The following PLEKHG5 variants were observed in gnomAD, a reference collection of about 807,000 sequenced individuals.
The protein encoded by PLEKHG5 is pleckstrin homology domain-containing family G member 5.
In PLEKHG5, 52 loss-of-function variants were observed where a neutral mutation model predicts 103.8. That is an observed-to-expected ratio of 0.50 (90% confidence interval 0.40 to 0.63). PLEKHG5 has a LOEUF of 0.63. PLEKHG5 is among the 30% of genes least tolerant of loss of function. The probability of loss-of-function intolerance (pLI) is 0.00; values close to 1 mark genes in which losing one functional copy is unlikely to be tolerated. For synonymous variants in PLEKHG5, 592 were observed against 575.5 expected (o/e 1.03, Z -0.41); for missense variants, 1,205 against 1,347.6 (o/e 0.89, Z 1.66).
chr1:6,496,274 T>C (rs889772755), upstream of PLEKHG5, among the ~76,000 whole-genome samples: 5 of 152,180 alleles, frequency 3.3e-5, no homozygotes, highest in Admixed American at 6.5e-5. Flanking sequence ...TCCACCCCCC[T>C]GTTCTTGTAG....
At chr1:6,498,933 T>G (rs1645265572), upstream of PLEKHG5, among the ~76,000 whole-genome samples, 1 of 152,194 alleles carries the variant, frequency 6.6e-6, no homozygotes, top group Non-Finnish European at 1.5e-5. Context: ...GGAAGCTGAC[T>G]TGAGGGTGGA....
At chr1:6,497,427 G>A, upstream of PLEKHG5, 1 of 895,182 alleles carries the variant, frequency 1.1e-6, no homozygotes, top group Non-Finnish European at 1.3e-6. This position sits in a 1 kb window ranked among gnomAD's most constrained non-coding sequence, Gnocchi z 6.1. Context: ...CCTCGCACGG[G>A]AGGCGGGCGG....
In PLEKHG5 at chr1:6,471,086, G is replaced by C. The variant is rs752976120; in HGVS notation, c.1296C>G (p.Phe432Leu). The change falls in exon 13 of 21, where the codon TTC becomes TTG. Residue 432 changes from phenylalanine to leucine, a missense_variant. Physicochemically the swap from Phe to Leu is conservative, Grantham distance 22. Transcript: ENST00000377728. ...LKGFKMFGSLFKPYIRYCMEE... is the reference protein window; with the variant it reads ...LKGFKMFGSLLKPYIRYCMEE... ...CCATGCAGTAGCGGATGTAGGGCTT[G>C]AAGAGCGAGCCGAACTGGCCCGGGG... 2 of 1,587,534 alleles carry C rather than the reference G, an allele frequency of 1.3e-6. No individual in the cohort carries two copies. The highest frequency in any genetic ancestry group is 1.8e-5 in the Admixed American group (1 of 56,926).
exon 1 of PLEKHG5, chr1:6,519,888 C>T (rs1570020009): frequency 2.9e-6 from 1 of 341,914 alleles, no homozygotes; most frequent in East Asian, 7.2e-5. Flanking sequence ...TGCTGGCTGC[C>T]CTGGAGGTGC....
chr1:6,500,132 G>C (rs139305221), upstream of PLEKHG5, among the ~76,000 whole-genome samples: 363 of 152,282 alleles, frequency 2.4e-3, 1 homozygote, highest in African/African-American at 8.4e-3. Context: ...GCTCTCCTGA[G>C]ACTATGAATT....
intron 1 of PLEKHG5, among the ~76,000 whole-genome samples, chr1:6,509,605 G>C (rs1170897766): frequency 6.6e-6 from 1 of 152,184 alleles, no homozygotes; most frequent in Non-Finnish European, 1.5e-5. Context: ...CAGGCTGGGG[G>C]CTCCACGGGC....
rs1310545508 is a variant in PLEKHG5, at chr1:6,473,254, G to T, written c.792C>A (p.Gly264=). ...FSSGPSTSAF[G]REVDKMEQLE... ...CTGGGCAGATGGGGCCACATACCCG[G>T]CCAAAGGCGCTGGTGCTGGGGCCGG... is the stretch of plus-strand genomic sequence containing the variant. Residue 264 remains glycine (G), a synonymous_variant, in exon 8 of 21, where the codon GGC becomes GGA. Coordinates refer to ENST00000377728, the MANE Select transcript of PLEKHG5 (RefSeq NM_020631.6). The T allele has an allele frequency of 1.2e-6, 2 of 1,610,674 alleles. No homozygotes were observed. Among genetic ancestry groups the T allele is most frequent in the Admixed American group, 3.4e-5 (2 of 59,566 alleles).
At chr1:6,478,936 G>A (rs1441839232) in intron 1 of PLEKHG5, among the ~76,000 whole-genome samples, 2 of 152,122 alleles carry the variant, frequency 1.3e-5, no homozygotes, top group Non-Finnish European at 2.9e-5. Flanking sequence ...GAGCCACCGC[G>A]CCCAGACTTG....
chr1:6,496,609 C>G, upstream of PLEKHG5: 1 of 1,448,380 alleles, frequency 6.9e-7, no homozygotes, highest in East Asian at 2.5e-5. Flanking sequence ...AGCGGGGCAC[C>G]CAGGCTCCCC....
chr1:6,497,576 A>G (rs1418211332), upstream of PLEKHG5, among the ~76,000 whole-genome samples: 1 of 151,742 alleles, frequency 6.6e-6, no homozygotes, highest in Non-Finnish European at 1.5e-5. This position sits in a 1 kb window ranked among gnomAD's most constrained non-coding sequence, Gnocchi z 6.1. Context: ...TGCGGTCCGG[A>G]GGCTGCCTCC....
At chr1:6,517,232 G>A (rs1638650642) in intron 1 of PLEKHG5, among the ~76,000 whole-genome samples, 1 of 150,620 alleles carries the variant, frequency 6.6e-6, no homozygotes, top group East Asian at 2.0e-4. Context: ...GCATGAACCT[G>A]AGAGGCGGAG....
intron 1 of PLEKHG5, among the ~76,000 whole-genome samples, chr1:6,516,794 A>G (rs200047197): frequency 2.6e-4 from 4 of 15,278 alleles, no homozygotes; most frequent in Non-Finnish European, 4.1e-4. Context: ...TGTTATATAT[A>G]TGTGTATATA....
At chr1:6,518,494 A>G (rs1570017255) in intron 1 of PLEKHG5, among the ~76,000 whole-genome samples, 1 of 149,160 alleles carries the variant, frequency 6.7e-6, no homozygotes, top group South Asian at 2.1e-4. Context: ...CAGGAGGCGG[A>G]GCTTGTGGTG....
chr1:6,519,360 G>T, intron 1 of PLEKHG5: 2 of 1,036,340 alleles, frequency 1.9e-6, no homozygotes, highest in Non-Finnish European at 3.1e-6. Context: ...AGTCCTTGGA[G>T]CCCTCCAAGA....
chr1:6,493,388 CCTT>C (rs1039256160), upstream of PLEKHG5, among the ~76,000 whole-genome samples: 2 of 152,208 alleles, frequency 1.3e-5, no homozygotes, highest in Non-Finnish European at 2.9e-5. Context: ...GAAGTCATCT[CCTT>C]CAAAACGCTA....
rs759538158 is a variant in PLEKHG5, at chr1:6,469,609, C to G, written c.1868G>C (p.Arg623Thr). 6 of 1,613,670 alleles carry G rather than the reference C, an allele frequency of 3.7e-6. No homozygotes were observed. Among genetic ancestry groups the G allele is most frequent in the Non-Finnish European group, 5.1e-6 (6 of 1,180,004 alleles). Residue 623 changes from arginine (R) to threonine (T), a missense_variant, in exon 17 of 21, where the codon AGG (arginine) becomes ACG (threonine). Transcript: ENST00000377728. ...CAGGGGTGGCCTGATGACCCTGGTC[C>G]TCTCTGCCTTCTTCACTGCTTTGGT... Reference protein sequence around the residue: ...LVTKAVKKAERTRVIRPPLLV... With the variant: ...LVTKAVKKAETTRVIRPPLLV...
intron 1 of PLEKHG5, among the ~76,000 whole-genome samples, chr1:6,507,997 T>C (rs1280593413): frequency 1.3e-5 from 2 of 152,144 alleles, no homozygotes; most frequent in Non-Finnish European, 2.9e-5. Context: ...CCAGGGCCAG[T>C]GGGGTGGGTC....
chr1:6,479,438 C>T (rs1644847236), intron 1 of PLEKHG5, among the ~76,000 whole-genome samples: 3 of 151,972 alleles, frequency 2.0e-5, no homozygotes, highest in Non-Finnish European at 4.4e-5. Context: ...AGGCGCCCGC[C>T]ACCACGCCCG....
rs555094465 is a variant in PLEKHG5 at position 6,467,399 on chromosome 1, C to A, written c.*164G>T. Reference sequence around the variant, plus strand: ...TGGCCTGGGCCTCCTCCACTCCATCCAGTCCGGCAAAGCGCAAATCGGGCC... The same window carrying A: ...TGGCCTGGGCCTCCTCCACTCCATCAAGTCCGGCAAAGCGCAAATCGGGCC... On this transcript the variant is annotated 3_prime_UTR_variant, in exon 21 of 21. Transcript: ENST00000377728. 68 of 806,084 alleles carry A rather than the reference C, an allele frequency of 8.4e-5. 1 individual carries two copies. In the East Asian group the frequency reaches 1.6e-3, roughly 19 times the overall value. The allele number at this position is 806,084 out of a possible 1,614,324, so 49.9% of individuals were successfully genotyped here. A position where few individuals can be genotyped will look rare whatever the true frequency, so the allele number is the denominator to read the frequency against.
Sources: allele counts gnomAD v4.1 joint callset (sites outside exome capture counted in the v4.1 genomes callset), GRCh38; gene constraint gnomAD v4.1.1; non-coding constraint Gnocchi (gnomAD v3.1); transcripts MANE v1.5; gene names NCBI Gene and HGNC (gene_info 2026-07-23, HGNC 2026-07-21).